Variants in ACOXL observed in about 807,000 individuals in gnomAD.
ACOXL encodes the protein acyl-CoA oxidase like.
A neutral mutation model predicts 71.9 loss-of-function variants in ACOXL; 70 were observed. That is an observed-to-expected ratio of 0.97 (90% CI 0.80 to 1.19). The LOEUF is 1.19. Among genes scored for constraint, ACOXL ranks in the 50% most tolerant of loss-of-function variants. The pLI, the probability that ACOXL is intolerant of heterozygous loss-of-function variation, is 0.00. For synonymous variants in ACOXL, 253 were observed against 281.6 expected (o/e 0.90, Z 1.02); for missense variants, 703 against 736.3 (o/e 0.95, Z 0.52).
intron 11 of ACOXL, among the ~76,000 whole-genome samples, chr2:110,910,224 T>C (rs1411391453): frequency 1.3e-5 from 2 of 152,252 alleles, no homozygotes; most frequent in Non-Finnish European, 2.9e-5. Flanking sequence ...GAACTTGATG[T>C]AAATGGAATC....
intron 10 of ACOXL, among the ~76,000 whole-genome samples, chr2:110,896,514 T>C (rs1394610803): frequency 3.3e-5 from 5 of 152,120 alleles, no homozygotes; most frequent in Non-Finnish European, 5.9e-5. Context: ...ATAGGCAGGT[T>C]AAATGTCAAA....
At chr2:111,013,623 T>C (rs970633774) in intron 14 of ACOXL, among the ~76,000 whole-genome samples, 1 of 152,158 alleles carries the variant, frequency 6.6e-6, no homozygotes, top group South Asian at 2.1e-4. Flanking sequence ...TTTCTTTCTT[T>C]TCTATTTTAT....
intron 12 of ACOXL, among the ~76,000 whole-genome samples, chr2:110,980,887 A>T (rs1443102558): frequency 6.6e-6 from 1 of 152,220 alleles, no homozygotes; most frequent in Non-Finnish European, 1.5e-5. Flanking sequence ...GTGAGTGCGC[A>T]GCCCCTCTCT....
chr2:110,866,903 T>C (rs1694670423), intron 10 of ACOXL, among the ~76,000 whole-genome samples: 1 of 152,154 alleles, frequency 6.6e-6, no homozygotes, highest in Non-Finnish European at 1.5e-5. Context: ...CTGTCTGGTC[T>C]GGTCAGGGAG....
At chr2:110,854,831 G>A (rs1559348921) in intron 10 of ACOXL, among the ~76,000 whole-genome samples, 1 of 152,200 alleles carries the variant, frequency 6.6e-6, no homozygotes, top group Non-Finnish European at 1.5e-5. Flanking sequence ...CTGGCATGGG[G>A]TCAAGGATGC....
chr2:110,771,919 T>G (rs1559241709), intron 2 of ACOXL, among the ~76,000 whole-genome samples: 1 of 152,214 alleles, frequency 6.6e-6, no homozygotes, highest in Non-Finnish European at 1.5e-5. Context: ...TGTCTTGTCC[T>G]GCATGGGGGA....
intron 16 of ACOXL, among the ~76,000 whole-genome samples, chr2:111,076,214 T>C (rs1200653232): frequency 2.0e-5 from 3 of 152,232 alleles, no homozygotes; most frequent in Non-Finnish European, 2.9e-5. Flanking sequence ...CAACTATGCC[T>C]GTGGATCTGT....
rs150970366 is a variant in ACOXL, at chr2:110,823,018, C to T, written c.753+17623C>T. Among the ~76,000 whole-genome samples, 6 of 152,070 alleles carry T rather than the reference C, an allele frequency of 3.9e-5. No individual in the cohort carries two copies. The South Asian group carries it at 8.3e-4, about 21-fold the overall frequency. On this transcript the variant is annotated intron_variant, in intron 9 of 17. Transcript: ENST00000439055. ...CTGTACACCCAGCACTTTGGGAGGC[C>T]GAAGCAGGTGGATCACCTGAGGTCA... is the stretch of plus-strand genomic sequence containing the variant.
intron 10 of ACOXL, among the ~76,000 whole-genome samples, chr2:110,902,488 A>G (rs1005101918): frequency 5.3e-5 from 8 of 152,162 alleles, no homozygotes; most frequent in African/African-American, 1.9e-4. Context: ...ACAAACAAAA[A>G]AGGAAGAACA....
At chr2:111,088,195 G>A (rs752875987) in intron 16 of ACOXL, among the ~76,000 whole-genome samples, 5 of 152,216 alleles carry the variant, frequency 3.3e-5, no homozygotes, top group Non-Finnish European at 5.9e-5. Context: ...ACTGCTGGTG[G>A]GAGTGTAAAT....
intron 17 of ACOXL, 60 bp from the exon 18 acceptor site, chr2:111,117,556 T>C: frequency 6.6e-7 from 1 of 1,523,248 alleles, no homozygotes; most frequent in Non-Finnish European, 8.9e-7. Flanking sequence ...AAAGCTGCTG[T>C]CACTAGATGG....
At chr2:110,803,009 A>G (rs1203195672) in intron 8 of ACOXL, among the ~76,000 whole-genome samples, 1 of 152,164 alleles carries the variant, frequency 6.6e-6, no homozygotes, top group Non-Finnish European at 1.5e-5. Context: ...CAATTATTAT[A>G]TGTCAATTAA....
At chr2:110,802,225 T>C (rs73956465) in intron 8 of ACOXL, among the ~76,000 whole-genome samples, 2,173 of 151,676 alleles carry the variant, frequency 0.014, 59 homozygotes, top group African/African-American at 0.05. Flanking sequence ...TTCCCCCCCC[T>C]GCCATTACAA....
chr2:110,820,686 C>T (rs1013203728), intron 9 of ACOXL, among the ~76,000 whole-genome samples: 6 of 152,094 alleles, frequency 3.9e-5, no homozygotes, highest in Admixed American at 6.5e-5. Flanking sequence ...TCTTGAGTGG[C>T]GTACCTTGTT....
intron 9 of ACOXL, among the ~76,000 whole-genome samples, chr2:110,821,206 G>A (rs2037039): frequency 1.3e-5 from 2 of 152,208 alleles, no homozygotes; most frequent in Non-Finnish European, 2.9e-5. Flanking sequence ...TTCCTGGATG[G>A]TGAAGGGGTA....
chr2:110,973,600 A>G (rs531157484), intron 12 of ACOXL, among the ~76,000 whole-genome samples: 1 of 152,286 alleles, frequency 6.6e-6, no homozygotes, highest in Non-Finnish European at 1.5e-5. Context: ...GTTGTTTATA[A>G]GCCACTCAGT....
At chr2:111,035,455 A>G (rs112642727) in intron 15 of ACOXL, among the ~76,000 whole-genome samples, 149 of 152,304 alleles carry the variant, frequency 9.8e-4, no homozygotes, top group African/African-American at 3.4e-3. Flanking sequence ...GGGTGTACCA[A>G]TTCCTAAACA....
chr2:110,972,655 A>ATG (rs2062256586), intron 12 of ACOXL, among the ~76,000 whole-genome samples: 2 of 65,632 alleles, frequency 3.0e-5, no homozygotes, highest in African/African-American at 7.1e-5. Flanking sequence ...ACGTGCACAC[A>ATG]CACACACACA....
intron 1 of ACOXL, among the ~76,000 whole-genome samples, chr2:110,735,916 C>G (rs2104643231): frequency 6.6e-6 from 1 of 152,258 alleles, no homozygotes; most frequent in Non-Finnish European, 1.5e-5. Flanking sequence ...GTAGGTACAG[C>G]ACACACCTCT....
Sources: gnomAD v4.1 joint callset for allele counts (sites outside exome capture counted in the v4.1 genomes callset) on GRCh38, gnomAD v4.1.1 for gene constraint, MANE v1.5 for transcripts, NCBI Gene and HGNC (gene_info 2026-07-23, HGNC 2026-07-21) for gene names.